CDH4: variants seen among roughly 807,000 people sequenced by gnomAD.
CDH4 encodes cadherin 4.
Under a neutral mutation model 86.0 loss-of-function variants are expected in CDH4, and 33 were observed. The observed-to-expected ratio is 0.38, with a 90% CI of 0.29 to 0.51. The LOEUF is 0.51. Among genes scored for constraint, CDH4 ranks in the 20% least tolerant of loss-of-function variants. CDH4 has a pLI of 0.86. For missense variants in CDH4, 1,114 were observed against 1,307.4 expected, an observed-to-expected ratio of 0.85 and a Z score of 2.28; for synonymous variants, 555 against 549.4, an observed-to-expected ratio of 1.01 and a Z score of -0.14.
At chr20:61,479,732 G>C (rs2085558790) in intron 2 of CDH4, among the ~76,000 whole-genome samples, 1 of 152,098 alleles carries the variant, frequency 6.6e-6, no homozygotes, top group Non-Finnish European at 1.5e-5. Flanking sequence ...TTGGATCTTT[G>C]GATCTGTAGT....
At chr20:61,576,491 C>A (rs2086383379) in intron 2 of CDH4, among the ~76,000 whole-genome samples, 1 of 152,196 alleles carries the variant, frequency 6.6e-6, no homozygotes, top group South Asian at 2.1e-4. Context: ...GGATCTAGGA[C>A]AGCACCTGGC....
In CDH4 at chr20:61,879,529, A is replaced by G. The variant is rs542928309; in HGVS notation, c.1050+5629A>G. Among the ~76,000 whole-genome samples the G allele has an allele frequency of 6.6e-6, 1 of 152,324 alleles. No homozygotes were observed. Among genetic ancestry groups the G allele is most frequent in the East Asian group, 1.9e-4 (1 of 5,168 alleles). On this transcript the variant is annotated intron_variant, in intron 7 of 15. Transcript: ENST00000614565. The surrounding 1 kb of genome is among the most constrained non-coding windows in gnomAD (Gnocchi z 4.1). The stretch of plus-strand genomic sequence containing the variant: ...ACAAACATCATTGCCGCCGTGTCTA[A>G]TTAGGCAGAGCTATGTAAATTGAGC...
chr20:61,784,881 C>T (rs1328706226), intron 4 of CDH4, among the ~76,000 whole-genome samples: 1 of 152,168 alleles, frequency 6.6e-6, no homozygotes, highest in African/African-American at 2.4e-5. Flanking sequence ...ACGTCCCATC[C>T]CCTTCCTGGC....
chr20:61,837,425 G>A (rs536909543), intron 4 of CDH4, among the ~76,000 whole-genome samples: 13 of 152,276 alleles, frequency 8.5e-5, no homozygotes, highest in Non-Finnish European at 1.5e-4. Context: ...AACTCTGCCC[G>A]GGTCATCACT....
intron 4 of CDH4, among the ~76,000 whole-genome samples, chr20:61,788,730 ACC>A (rs1212707780): frequency 1.3e-5 from 2 of 152,180 alleles, no homozygotes; most frequent in African/African-American, 4.8e-5. Flanking sequence ...AATATTAGAG[ACC>A]TAAGGAGGGA....
At chr20:61,440,780 C>T (rs1600684364) in intron 2 of CDH4, among the ~76,000 whole-genome samples, 2 of 152,164 alleles carry the variant, frequency 1.3e-5, no homozygotes, top group East Asian at 3.9e-4. Context: ...AGCAGGTGTC[C>T]CGATGCCTCT....
chr20:61,277,564 C>T lies in CDH4; in HGVS notation c.169+22627C>T, dbSNP rs1300057467. Among the ~76,000 whole-genome samples, 4 of 152,092 alleles carry T rather than the reference C, an allele frequency of 2.6e-5. No homozygotes were observed. In the East Asian group the frequency reaches 7.7e-4, roughly 29 times the overall value. On this transcript the variant is annotated intron_variant, in intron 2 of 15. Transcript: ENST00000614565. ...GGGTGGCAGTGGTGGAAGGCTGGAA[C>T]TGACAAGCAAGGAAATATGAAAGGA...
At chr20:61,753,818 T>C (rs2088526948) in intron 3 of CDH4, among the ~76,000 whole-genome samples, 2 of 152,364 alleles carry the variant, frequency 1.3e-5, no homozygotes, top group South Asian at 4.1e-4. Flanking sequence ...CTGTGGACTT[T>C]CCTGGGTGTT....
chr20:61,898,362 C>G (rs1402805559), intron 8 of CDH4, among the ~76,000 whole-genome samples: 1 of 152,234 alleles, frequency 6.6e-6, no homozygotes, highest in Non-Finnish European at 1.5e-5. Flanking sequence ...GCTGCACTGC[C>G]CACGTGAGGC....
intron 2 of CDH4, among the ~76,000 whole-genome samples, chr20:61,547,877 A>T (rs1337520641): frequency 6.6e-6 from 1 of 152,198 alleles, no homozygotes; most frequent in Non-Finnish European, 1.5e-5. Context: ...TGGCAGAGCG[A>T]CTGTATCCGT....
At chr20:61,697,086 C>G (rs1211372684) in intron 2 of CDH4, among the ~76,000 whole-genome samples, 1 of 152,202 alleles carries the variant, frequency 6.6e-6, no homozygotes, top group Non-Finnish European at 1.5e-5. Context: ...TCTCAGACTT[C>G]TGAAATCAAG....
At chr20:61,813,125 A>G (rs556252852) in intron 4 of CDH4, among the ~76,000 whole-genome samples, 3 of 152,350 alleles carry the variant, frequency 2.0e-5, no homozygotes, top group Admixed American at 2.0e-4. Context: ...GAGATTTCAA[A>G]CAGAATTTCT....
At chr20:61,733,495 C>T (rs2088221351) in intron 2 of CDH4, among the ~76,000 whole-genome samples, 1 of 152,154 alleles carries the variant, frequency 6.6e-6, no homozygotes, top group African/African-American at 2.4e-5. Flanking sequence ...ACCCTCTGCT[C>T]CCTCATCTCC....
At chr20:61,919,640 G>A (rs1235291066) in intron 9 of CDH4, among the ~76,000 whole-genome samples, 1 of 152,256 alleles carries the variant, frequency 6.6e-6, no homozygotes, top group Non-Finnish European at 1.5e-5. Flanking sequence ...CTCTCTAAGT[G>A]GAAATGTCTT....
intron 4 of CDH4, among the ~76,000 whole-genome samples, chr20:61,787,441 C>T (rs574117144): frequency 2.0e-5 from 3 of 152,314 alleles, no homozygotes; most frequent in South Asian, 4.1e-4. Context: ...TGAGAATTCA[C>T]TATCACGAGC....
intron 2 of CDH4, among the ~76,000 whole-genome samples, chr20:61,742,460 GA>G (rs1428527925): frequency 1.3e-5 from 2 of 152,168 alleles, no homozygotes; most frequent in African/African-American, 4.8e-5. Context: ...AATGCGAGGG[GA>G]AAACACTTTA....
intron 2 of CDH4, among the ~76,000 whole-genome samples, chr20:61,471,913 G>A (rs2085505986): frequency 6.6e-6 from 1 of 152,046 alleles, no homozygotes; most frequent in Non-Finnish European, 1.5e-5. Flanking sequence ...TTGTTTTTGT[G>A]ACCTTGTTTT....
At chr20:61,928,146 A>AGTG (rs1387322056) in intron 11 of CDH4, 44 bp from the exon 12 acceptor site, 10 of 1,473,940 alleles carry the variant, frequency 6.8e-6, no homozygotes, top group African/African-American at 1.4e-5. Context: ...TTGGTCATGG[A>AGTG]GTACCAGGAG....
intron 2 of CDH4, among the ~76,000 whole-genome samples, chr20:61,559,026 A>G (rs939966898): frequency 6.6e-6 from 1 of 152,188 alleles, no homozygotes; most frequent in Non-Finnish European, 1.5e-5. Context: ...AGGGAAACAA[A>G]AGCACTGCTG....
Sources: gnomAD v4.1 joint callset for allele counts (sites outside exome capture counted in the v4.1 genomes callset) on GRCh38, gnomAD v4.1.1 for gene constraint, Gnocchi (gnomAD v3.1) non-coding constraint, MANE v1.5 for transcripts, NCBI Gene and HGNC (gene_info 2026-07-23, HGNC 2026-07-21) for gene names.